The following ELF2 variants were observed in gnomAD, a reference collection of about 807,000 sequenced individuals.
ELF2 encodes E74 like ETS transcription factor 2.
A neutral mutation model predicts 54.8 loss-of-function variants in ELF2; 11 were observed. The observed-to-expected ratio is 0.20, with a 90% CI of 0.13 to 0.33. The LOEUF (loss-of-function observed/expected upper bound fraction) is 0.33. Among genes scored for constraint, ELF2 ranks in the 10% least tolerant of loss-of-function variants. The pLI, the probability that ELF2 is intolerant of heterozygous loss-of-function variation, is 1.00. For missense variants in ELF2, 513 were observed against 703.0 expected (o/e 0.73, Z 3.06); for synonymous variants, 203 against 245.1 (o/e 0.83, Z 1.61).
At position 139,062,020 on chromosome 4, in the gene ELF2, T is replaced by C. The variant is rs1379779552; in HGVS notation, c.651A>G (p.Leu217=). The change falls in exon 8 of 10, where the codon CTA becomes CTG. Residue 217 remains leucine, a synonymous_variant. Coordinates refer to ENST00000686138, the MANE Select transcript of ELF2 (RefSeq NM_001331036.3). ...TGGGACAAGTATTTTTATCTTGAAG[T>C]AGATCTAAAAGAAACTCCCACAAAT... is the stretch of plus-strand genomic sequence containing the variant. The part of the protein sequence containing the change: ...TTYLWEFLLD[L]LQDKNTCPRY... 3.7e-6 allele frequency: 6 copies of C among 1,613,950 alleles called. No individual in the cohort carries two copies. The highest frequency in any genetic ancestry group is 4.2e-6 in the Non-Finnish European group (5 of 1,179,948).
chr4:139,105,377 C>T (rs1222440683), intron 4 of ELF2, among the ~76,000 whole-genome samples: 1 of 152,178 alleles, frequency 6.6e-6, no homozygotes, highest in African/African-American at 2.4e-5. Context: ...CTTGCATTTA[C>T]TAGGTGCTCA....
intron 4 of ELF2, among the ~76,000 whole-genome samples, chr4:139,094,324 C>G (rs1321783081): frequency 1.3e-5 from 2 of 152,186 alleles, no homozygotes; most frequent in East Asian, 1.9e-4. Flanking sequence ...ACCATAGATA[C>G]AGGACCAAAG....
In ELF2 at chr4:139,121,095, A is replaced by ATTTTTT. The variant is rs10711256; in HGVS notation, c.238+4063_238+4068dup. Among the ~76,000 whole-genome samples, 62 of 65,086 alleles carry ATTTTTT rather than the reference A, an allele frequency of 9.5e-4. 3 individuals are homozygous for ATTTTTT. Among genetic ancestry groups the ATTTTTT allele is most frequent in the African/African-American group, 4.5e-3 (59 of 13,094 alleles). 42.7% of individuals were successfully genotyped at this position (65,086 alleles called of 152,430 possible). ...GCTTTGTATTTTGAATATAACACAG[A>ATTTTTT]TTTTTTTTTTTTTTTTTTTTTTTTT... On this transcript the variant is annotated intron_variant, in intron 4 of 9. Coordinates refer to ENST00000686138, the MANE Select transcript of ELF2 (RefSeq NM_001331036.3).
chr4:139,085,737 A>T (rs1374345756), intron 4 of ELF2, among the ~76,000 whole-genome samples: 2 of 152,196 alleles, frequency 1.3e-5, no homozygotes, highest in Non-Finnish European at 2.9e-5. Context: ...TGTATGGGAC[A>T]TGGTAGCTTT....
chr4:139,140,211 T>TTA (rs1177227759), intron 1 of ELF2, among the ~76,000 whole-genome samples: 1 of 152,186 alleles, frequency 6.6e-6, no homozygotes, highest in Non-Finnish European at 1.5e-5. Flanking sequence ...TGAGTCACTA[T>TTA]TAGACATGTT....
intron 1 of ELF2, among the ~76,000 whole-genome samples, chr4:139,170,983 T>A (rs1578991815): frequency 6.6e-6 from 1 of 151,884 alleles, no homozygotes; most frequent in Non-Finnish European, 1.5e-5. Context: ...TGACCTCAGG[T>A]GATCCACCCA....
chr4:139,154,799 T>C (rs1240347596), intron 1 of ELF2, among the ~76,000 whole-genome samples: 2 of 152,214 alleles, frequency 1.3e-5, no homozygotes, highest in Admixed American at 1.3e-4. Flanking sequence ...AAATGCAGAT[T>C]CGCTGAGCTA....
chr4:139,115,268 T>C (rs7661947), intron 4 of ELF2: 1,579,247 of 1,603,286 alleles, frequency 0.99, 777,900 homozygotes, highest in South Asian at 0.99. Flanking sequence ...TCTCCTGCGG[T>C]CCCGGGGGGG....
At chr4:139,063,827 TA>T (rs1377444367) in intron 7 of ELF2, among the ~76,000 whole-genome samples, 1 of 150,398 alleles carries the variant, frequency 6.6e-6, no homozygotes, top group Non-Finnish European at 1.5e-5. Flanking sequence ...AGGATGTGCA[TA>T]AAAGAACAAA....
rs755124182 is a variant in ELF2, at chr4:139,059,038, G to A, written c.1727C>T (p.Ala576Val). The change falls in exon 10 of 10, where the codon GCT becomes GTT. Residue 576 changes from alanine to valine, a missense_variant. Ala to Val is a moderately conservative substitution (Grantham distance 64). Around this residue, in one of 3 missense-constraint regions of ELF2, gnomAD observed 291 missense variants for 366.1 expected, o/e 0.79. Transcript: ENST00000686138. ...TTTCATAGTTACAGGAAGGGCAATA[G>A]CTGAAGGCGCACTGACAACCACTAC... is the stretch of plus-strand genomic sequence containing the variant. The part of the protein sequence containing the change: ...THVVVVSAPS[A>V]IALPVTMKTE... The A allele has an allele frequency of 5.8e-5, 94 of 1,613,768 alleles. No individual in the cohort carries two copies. Among genetic ancestry groups the A allele is most frequent in the Non-Finnish European group, 7.9e-5 (93 of 1,179,808 alleles).
chr4:139,071,271 GATAT>G (rs1239210753), intron 6 of ELF2, among the ~76,000 whole-genome samples: 2 of 151,376 alleles, frequency 1.3e-5, no homozygotes, highest in African/African-American at 4.9e-5. Context: ...TGATATAAAT[GATAT>G]ATATATTTAG....
At chr4:139,072,583 T>TCGG (rs1729671003) in intron 5 of ELF2, among the ~76,000 whole-genome samples, 1 of 152,340 alleles carries the variant, frequency 6.6e-6, no homozygotes, top group Admixed American at 6.5e-5. Context: ...ATTTAAAGTT[T>TCGG]TATTTAATGT....
intron 4 of ELF2, among the ~76,000 whole-genome samples, chr4:139,091,759 C>A (rs952464768): frequency 2.6e-5 from 4 of 152,062 alleles, no homozygotes; most frequent in African/African-American, 9.7e-5. Flanking sequence ...GGACTACAGG[C>A]ATGAGCCACT....
Position 139,059,600 on chromosome 4 carries a change from G to T in ELF2, c.1165C>A (p.Arg389Ser), listed in dbSNP as rs754750921. Residue 389 changes from arginine (R) to serine (S), a missense_variant, in exon 10 of 10, where the codon CGT becomes AGT. Coordinates refer to ENST00000686138, the MANE Select transcript of ELF2 (RefSeq NM_001331036.3). The stretch of plus-strand genomic sequence containing the variant: ...ACAACAGGTACCTGCATTGCCACAC[G>T]AACTGTCCTAGTACATTAGAAAGAA... Reference protein sequence around the residue: ...VSATAAPRTVRVAMQVPVVMT... With the variant: ...VSATAAPRTVSVAMQVPVVMT... The T allele has an allele frequency of 6.2e-7, 1 of 1,610,240 alleles. No individual in the cohort carries two copies. Among genetic ancestry groups the T allele is most frequent in the Non-Finnish European group, 8.5e-7 (1 of 1,179,766 alleles).
At chr4:139,171,330 G>C (rs952613836) in intron 1 of ELF2, among the ~76,000 whole-genome samples, 3 of 152,078 alleles carry the variant, frequency 2.0e-5, no homozygotes, top group African/African-American at 7.2e-5. Context: ...GAGCCCAGGA[G>C]GTCAAGGCTA....
At chr4:139,091,527 C>A (rs568747883) in intron 4 of ELF2, among the ~76,000 whole-genome samples, 2 of 152,210 alleles carry the variant, frequency 1.3e-5, no homozygotes, top group East Asian at 3.9e-4. Context: ...CTCTGTTGCC[C>A]AGGCTGAGTG....
intron 6 of ELF2, among the ~76,000 whole-genome samples, chr4:139,068,041 T>C (rs1728970126): frequency 6.6e-6 from 1 of 152,116 alleles, no homozygotes. Flanking sequence ...TCTTTTTTTT[T>C]TTTGAGACAG....
intron 4 of ELF2, among the ~76,000 whole-genome samples, chr4:139,111,722 A>T (rs1734966308): frequency 6.6e-6 from 1 of 152,190 alleles, no homozygotes; most frequent in Non-Finnish European, 1.5e-5. Flanking sequence ...TCCTCCTGAA[A>T]CAACACCGTA....
chr4:139,176,733 CTT>C (rs1742987041), intron 1 of ELF2, among the ~76,000 whole-genome samples: 1 of 151,976 alleles, frequency 6.6e-6, no homozygotes, highest in Non-Finnish European at 1.5e-5. Flanking sequence ...GCGCCTTCCC[CTT>C]TCTCCAAGTC....
Sources: allele counts gnomAD v4.1 joint callset (sites outside exome capture counted in the v4.1 genomes callset), GRCh38; gene constraint gnomAD v4.1.1; regional missense constraint gnomAD v4.1.1; transcripts MANE v1.5; gene names NCBI Gene and HGNC (gene_info 2026-07-23, HGNC 2026-07-21).